The following ZNF536 variants were observed in gnomAD, a reference collection of about 807,000 sequenced individuals.
ZNF536 encodes the protein zinc finger protein 536.
ZNF536 carries 13 observed loss-of-function variants against 84.5 expected under a neutral mutation model. The observed-to-expected ratio is 0.15, with a 90% CI of 0.10 to 0.24. The LOEUF is 0.24. Among genes scored for constraint, ZNF536 ranks in the 10% least tolerant of loss-of-function variants. The pLI is 1.00. For missense variants in ZNF536, 1,536 were observed against 1,747.5 expected (o/e 0.88, Z 2.16); for synonymous variants, 811 against 742.5 (o/e 1.09, Z -1.50).
At chr19:30,493,295 G>A (rs1185725699) in intron 2 of ZNF536, among the ~76,000 whole-genome samples, 2 of 151,908 alleles carry the variant, frequency 1.3e-5, no homozygotes, top group Non-Finnish European at 2.9e-5. Flanking sequence ...TTTAGGGAAC[G>A]TCAAACCTTT....
intron 1 of ZNF536, among the ~76,000 whole-genome samples, chr19:30,592,876 T>C (rs556042469): frequency 2.0e-5 from 3 of 152,344 alleles, no homozygotes; most frequent in African/African-American, 7.2e-5. Flanking sequence ...ACATGAATAA[T>C]TGGTATATTA....
intron 1 of ZNF536, among the ~76,000 whole-genome samples, chr19:30,629,636 T>A (rs935348466): frequency 5.3e-5 from 8 of 152,252 alleles, no homozygotes; most frequent in Admixed American, 5.2e-4. Flanking sequence ...ACCCGCCTTG[T>A]GCTGGCCTGC....
Position 30,396,070 on chromosome 19 carries a change from T to C in ZNF536, c.-3+23514T>C, listed in dbSNP as rs141210679. 1.2e-3 allele frequency among the ~76,000 whole-genome samples: 180 copies of C among 152,308 alleles called. 1 individual carries two copies. The highest frequency in any genetic ancestry group is 2.3e-3 in the Non-Finnish European group (156 of 68,036). ...AATGTATCATGACATGTATCCACCA[T>C]TGCAGTATCATACAGAATCTTCTCC... is the stretch of plus-strand genomic sequence containing the variant. On this transcript the variant is annotated intron_variant, in intron 1 of 4. Coordinates refer to ENST00000355537, the MANE Select transcript of ZNF536 (RefSeq NM_014717.3).
intron 1 of ZNF536, among the ~76,000 whole-genome samples, chr19:30,573,532 AT>A (rs1434273675): frequency 6.6e-6 from 1 of 152,086 alleles, no homozygotes; most frequent in Non-Finnish European, 1.5e-5. Flanking sequence ...AACTTAGAAG[AT>A]TGGTCATAGA....
intron 2 of ZNF536, among the ~76,000 whole-genome samples, chr19:30,335,976 G>A (rs1346084044): frequency 6.6e-6 from 1 of 152,142 alleles, no homozygotes; most frequent in Non-Finnish European, 1.5e-5. Context: ...TCAGATGTGA[G>A]ACCCCAAGAA....
intron 1 of ZNF536, among the ~76,000 whole-genome samples, chr19:30,599,160 T>C: frequency 2.0e-5 from 2 of 98,098 alleles, no homozygotes; most frequent in Non-Finnish European, 4.0e-5. Context: ...TCCCTCACCC[T>C]TCCCTCTTTC....
At chr19:30,458,451 T>TGTTTTTG (rs201216296) in intron 2 of ZNF536, among the ~76,000 whole-genome samples, 209 of 142,134 alleles carry the variant, frequency 1.5e-3, no homozygotes, top group Middle Eastern at 7.2e-3. Context: ...CCTGCTGTTT[T>TGTTTTTG]TTTTTTTTTT....
chr19:30,627,021 G>T (rs946108978), intron 1 of ZNF536, among the ~76,000 whole-genome samples: 8 of 152,184 alleles, frequency 5.3e-5, no homozygotes, highest in Non-Finnish European at 1.0e-4. Context: ...GGAGTACTGG[G>T]CTCTGGAGGG....
intron 1 of ZNF536, among the ~76,000 whole-genome samples, chr19:30,684,230 G>A (rs931290256): frequency 1.3e-5 from 2 of 152,042 alleles, no homozygotes; most frequent in African/African-American, 4.8e-5. Flanking sequence ...TGCCTCCTGG[G>A]CTCAAGTGAT....
chr19:30,614,110 G>A (rs931797358), intron 1 of ZNF536, among the ~76,000 whole-genome samples: 11 of 152,274 alleles, frequency 7.2e-5, no homozygotes, highest in East Asian at 1.9e-4. Context: ...TAATCTGCCC[G>A]CCTTGGCCTC....
Position 30,279,248 on chromosome 19 carries a change from T to C in ZNF536, c.-189-4824T>C, listed in dbSNP as rs372586297. Among the ~76,000 whole-genome samples the C allele has an allele frequency of 8.8e-4, 134 of 152,336 alleles. No individual in the cohort carries two copies. In the Middle Eastern group the frequency reaches 0.017, roughly 19 times the overall value. On this transcript the variant is annotated intron_variant, in intron 1 of 5. Coordinates refer to the ZNF536 transcript ENST00000585628. ...TTGCTGGCATATTTTACTTTTGTCTTTCATTTGAATCTGGTCTCGGAAACA... is the reference window on the plus strand; with the variant it reads ...TTGCTGGCATATTTTACTTTTGTCTCTCATTTGAATCTGGTCTCGGAAACA...
At chr19:30,303,424 G>C (rs776589275) in intron 2 of ZNF536, among the ~76,000 whole-genome samples, 1 of 152,212 alleles carries the variant, frequency 6.6e-6, no homozygotes, top group Non-Finnish European at 1.5e-5. Flanking sequence ...TGATCAGCTA[G>C]GTTCCTAGCT....
intron 1 of ZNF536, among the ~76,000 whole-genome samples, chr19:30,674,088 C>G (rs1445135117): frequency 6.6e-6 from 1 of 152,186 alleles, no homozygotes; most frequent in Non-Finnish European, 1.5e-5. Flanking sequence ...GATGTGAAAG[C>G]TCACATCACA....
chr19:30,553,219 C>T (rs1004406384), intron 4 of ZNF536, among the ~76,000 whole-genome samples: 3 of 152,182 alleles, frequency 2.0e-5, no homozygotes, highest in African/African-American at 7.2e-5. Context: ...GCAGTGTTTG[C>T]ATCCATGGAC....
chr19:30,691,524 A>G (rs556823850), intron 1 of ZNF536, among the ~76,000 whole-genome samples: 2 of 152,272 alleles, frequency 1.3e-5, no homozygotes, highest in South Asian at 4.2e-4. Context: ...TAATTTGGGA[A>G]GGTTGTATGC....
intron 1 of ZNF536, among the ~76,000 whole-genome samples, chr19:30,435,904 A>T (rs1404773165): frequency 1.3e-5 from 2 of 152,178 alleles, no homozygotes; most frequent in Non-Finnish European, 2.9e-5. Context: ...AGCCACAGTG[A>T]TGGAAGCTCT....
intron 2 of ZNF536, among the ~76,000 whole-genome samples, chr19:30,347,714 C>T (rs186389980): frequency 2.3e-3 from 344 of 152,304 alleles, no homozygotes; most frequent in Non-Finnish European, 3.9e-3. Context: ...GTCTCATTGT[C>T]AGAAACACCC....
chr19:30,406,474 C>A (rs2050266222), intron 1 of ZNF536, among the ~76,000 whole-genome samples: 1 of 152,142 alleles, frequency 6.6e-6, no homozygotes, highest in African/African-American at 2.4e-5. Flanking sequence ...AGACTGCAGG[C>A]TGATGTAGGA....
At chr19:30,680,149 G>A (rs754996107) in intron 1 of ZNF536, among the ~76,000 whole-genome samples, 17 of 152,132 alleles carry the variant, frequency 1.1e-4, no homozygotes, top group Non-Finnish European at 2.4e-4. Flanking sequence ...CTGTCACACC[G>A]GGGACAAGAA....
Sources: allele counts gnomAD v4.1 joint callset (sites outside exome capture counted in the v4.1 genomes callset), GRCh38; gene constraint gnomAD v4.1.1; transcripts MANE v1.5; gene names NCBI Gene and HGNC (gene_info 2026-07-23, HGNC 2026-07-21).